DLC1: variants seen among roughly 807,000 people sequenced by gnomAD.
DLC1 encodes the protein DLC1 Rho GTPase activating protein.
Under a neutral mutation model 140.3 loss-of-function variants are expected in DLC1, and 54 were observed. The observed-to-expected ratio is 0.38, with a 90% confidence interval of 0.31 to 0.48. The LOEUF is 0.48. Ranked by LOEUF, DLC1 falls within the 20% of genes least tolerant of loss-of-function variation. The probability of loss-of-function intolerance (pLI) is 0.96; values close to 1 mark genes in which losing one functional copy is unlikely to be tolerated. For missense variants in DLC1, 2,536 were observed against 1,907.0 expected (o/e 1.33, Z -6.14); for synonymous variants, 986 against 728.1 (o/e 1.35, Z -5.70).
intron 2 of DLC1, among the ~76,000 whole-genome samples, chr8:13,482,637 T>G (rs1448082530): frequency 1.3e-5 from 2 of 152,216 alleles, no homozygotes; most frequent in East Asian, 3.9e-4. Flanking sequence ...TTATTAGCAT[T>G]TCTTGAGAGA....
chr8:13,371,001 C>A (rs1835701796), intron 4 of DLC1, among the ~76,000 whole-genome samples: 1 of 152,096 alleles, frequency 6.6e-6, no homozygotes, highest in Admixed American at 6.5e-5. Context: ...GGTAGCCCTG[C>A]CACACCATAC....
chr8:13,088,866 G>T (rs1304038011), intron 15 of DLC1, 162 bp from the exon 16 acceptor site: 16 of 581,772 alleles, frequency 2.8e-5, no homozygotes. Context: ...AGAAATATTG[G>T]GGGCTAATAA....
chr8:13,095,130 T>C lies in DLC1; in HGVS notation c.3283A>G (p.Ile1095Val), dbSNP rs200732432. Residue 1095 changes from isoleucine (I) to valine (V), a missense_variant, in exon 11 of 18, where the codon ATC (isoleucine) becomes GTC (valine). Ile to Val is a conservative substitution (Grantham distance 29, BLOSUM62 3). Transcript: ENST00000276297. Reference protein sequence around the residue: ...QRTGQPLPQSIQQAMRYLRNH... With the variant: ...QRTGQPLPQSVQQAMRYLRNH... ...CGGAGGTATCGCATGGCCTGCTGGA[T>C]GCTCTGAGGCAACGGTTGTCCTGTG... The C allele has an allele frequency of 1.2e-4, 201 of 1,614,280 alleles. No homozygotes were observed. In the Middle Eastern group the frequency reaches 1.6e-3, roughly 13 times the overall value.
intron 4 of DLC1, among the ~76,000 whole-genome samples, chr8:13,315,100 T>C (rs1486001295): frequency 6.6e-6 from 1 of 152,138 alleles, no homozygotes; most frequent in Non-Finnish European, 1.5e-5. Context: ...GGAAGAAGTT[T>C]ATGACACTGA....
intron 4 of DLC1, among the ~76,000 whole-genome samples, chr8:13,389,249 A>T (rs950108094): frequency 6.6e-6 from 1 of 152,160 alleles, no homozygotes; most frequent in African/African-American, 2.4e-5. Flanking sequence ...CAACCACAAC[A>T]AAACCTCAGA....
intron 5 of DLC1, among the ~76,000 whole-genome samples, chr8:13,243,415 C>T (rs898136097): frequency 5.3e-5 from 8 of 151,974 alleles, no homozygotes; most frequent in African/African-American, 1.9e-4. Flanking sequence ...GAGGCCTCCC[C>T]AGCCATGCCT....
chr8:13,249,970 G>A (rs1042287223), intron 5 of DLC1, among the ~76,000 whole-genome samples: 1 of 152,050 alleles, frequency 6.6e-6, no homozygotes, highest in Non-Finnish European at 1.5e-5. Flanking sequence ...AGGATGGCTT[G>A]GGGGGCCTCT....
At chr8:13,128,308 A>G (rs1821759573) in intron 5 of DLC1, among the ~76,000 whole-genome samples, 1 of 152,220 alleles carries the variant, frequency 6.6e-6, no homozygotes, top group Admixed American at 6.5e-5. Context: ...CCAGAGTTTT[A>G]GAAAATGGTA....
intron 1 of DLC1, among the ~76,000 whole-genome samples, chr8:13,561,026 G>A (rs1377043708): frequency 6.6e-6 from 1 of 152,034 alleles, no homozygotes; most frequent in Non-Finnish European, 1.5e-5. Flanking sequence ...GGAATGTCTA[G>A]GCTCAAACTT....
At chr8:13,546,248 G>C (rs17094601) in intron 1 of DLC1, among the ~76,000 whole-genome samples, 17,319 of 151,980 alleles carry the variant, frequency 0.11, 1,217 homozygotes, top group Admixed American at 0.19. Context: ...GAATTTTATG[G>C]TCTGAAATTA....
chr8:13,567,558 A>G, intron 1 of DLC1: 1 of 1,551,818 alleles, frequency 6.4e-7, no homozygotes, highest in South Asian at 1.2e-5. Flanking sequence ...AACAGGAGGC[A>G]GCAGCTAAGC....
At chr8:13,223,789 C>G (rs1210574338) in intron 5 of DLC1, among the ~76,000 whole-genome samples, 1 of 152,130 alleles carries the variant, frequency 6.6e-6, no homozygotes, top group African/African-American at 2.4e-5. Flanking sequence ...GCTTTAAAGT[C>G]TTTAAAACTG....
chr8:13,326,275 G>A (rs1393258719), intron 4 of DLC1, among the ~76,000 whole-genome samples: 1 of 152,108 alleles, frequency 6.6e-6, no homozygotes, highest in Non-Finnish European at 1.5e-5. Context: ...GAAACATTTG[G>A]CCATAAGAGG....
intron 4 of DLC1, among the ~76,000 whole-genome samples, chr8:13,387,006 C>A (rs1407669914): frequency 1.3e-5 from 2 of 152,040 alleles, no homozygotes; most frequent in African/African-American, 4.8e-5. Context: ...TTTTCTAAGA[C>A]TATTACATTT....
chr8:13,239,396 G>A (rs763100397), intron 5 of DLC1, among the ~76,000 whole-genome samples: 2 of 152,102 alleles, frequency 1.3e-5, no homozygotes, highest in African/African-American at 2.4e-5. Context: ...AACTGAAACA[G>A]AGTGTTGAGT....
chr8:13,174,224 C>G (rs1362299897), intron 5 of DLC1, among the ~76,000 whole-genome samples: 4 of 152,180 alleles, frequency 2.6e-5, no homozygotes, highest in Non-Finnish European at 5.9e-5. Context: ...CATACTGTTC[C>G]ATGGTGTATG....
At chr8:13,345,032 G>A (rs1834262202) in intron 4 of DLC1, among the ~76,000 whole-genome samples, 1 of 152,168 alleles carries the variant, frequency 6.6e-6, no homozygotes, top group African/African-American at 2.4e-5. Context: ...TTCCAGGATA[G>A]TGAAGTAGAA....
At chr8:13,547,348 G>C (rs1803686756) in intron 1 of DLC1, among the ~76,000 whole-genome samples, 1 of 151,844 alleles carries the variant, frequency 6.6e-6, no homozygotes, top group South Asian at 2.1e-4. Context: ...TGTGTAAGAG[G>C]GGTTCTCTTG....
At chr8:13,369,458 C>A (rs1159878416) in intron 4 of DLC1, among the ~76,000 whole-genome samples, 1 of 151,658 alleles carries the variant, frequency 6.6e-6, no homozygotes, top group Non-Finnish European at 1.5e-5. Context: ...GTTCTCATCT[C>A]CTCGTCTGAA....
Sources: allele counts gnomAD v4.1 joint callset (sites outside exome capture counted in the v4.1 genomes callset), GRCh38; gene constraint gnomAD v4.1.1; transcripts MANE v1.5; gene names NCBI Gene and HGNC (gene_info 2026-07-23, HGNC 2026-07-21).